UVRAG: variants seen among roughly 807,000 people sequenced by gnomAD.
The protein encoded by UVRAG is UV radiation resistance-associated gene protein.
Under a neutral mutation model 78.0 loss-of-function variants are expected in UVRAG, and 19 were observed. The observed-to-expected ratio is 0.24, with a 90% CI of 0.17 to 0.36. The LOEUF (loss-of-function observed/expected upper bound fraction) is 0.36, where lower values mean the gene tolerates loss of function less well. Among genes scored for constraint, UVRAG ranks in the 10% least tolerant of loss-of-function variants. The pLI, the probability that UVRAG is intolerant of heterozygous loss-of-function variation, is 1.00. For synonymous variants in UVRAG, 323 were observed against 324.6 expected, an observed-to-expected ratio of 1.00 and a Z score of 0.05; for missense variants, 740 against 853.8, an observed-to-expected ratio of 0.87 and a Z score of 1.66.
At chr11:76,063,475 G>A (rs980464555) in intron 12 of UVRAG, among the ~76,000 whole-genome samples, 34 of 152,298 alleles carry the variant, frequency 2.2e-4, no homozygotes, top group African/African-American at 7.7e-4. Flanking sequence ...TGTCACACAC[G>A]TAATCTATTT....
intron 14 of UVRAG, among the ~76,000 whole-genome samples, chr11:76,124,572 T>G (rs1952351526): frequency 6.6e-6 from 1 of 152,236 alleles, no homozygotes. Context: ...GTGACCTTAG[T>G]AAGGATAGAG....
chr11:76,020,240 C>T (rs1950218592), intron 12 of UVRAG, among the ~76,000 whole-genome samples: 1 of 152,092 alleles, frequency 6.6e-6, no homozygotes, highest in African/African-American at 2.4e-5. Flanking sequence ...GAGGGTTCCC[C>T]TCTGGACCAG....
intron 12 of UVRAG, among the ~76,000 whole-genome samples, chr11:76,035,550 A>C (rs1950516986): frequency 1.3e-5 from 2 of 152,190 alleles, no homozygotes; most frequent in African/African-American, 4.8e-5. Flanking sequence ...CAAGAGTCAC[A>C]GTCTCAGAAT....
At chr11:75,967,803 G>A (rs189927618) in intron 7 of UVRAG, among the ~76,000 whole-genome samples, 3 of 152,210 alleles carry the variant, frequency 2.0e-5, no homozygotes, top group Non-Finnish European at 2.9e-5. Flanking sequence ...CGTAAGTCTC[G>A]CAGACTCTGG....
intron 3 of UVRAG, among the ~76,000 whole-genome samples, chr11:75,878,640 C>T (rs970386068): frequency 1.3e-5 from 2 of 152,230 alleles, no homozygotes; most frequent in Non-Finnish European, 2.9e-5. Flanking sequence ...TGGCGGATCA[C>T]TCGCGGTTAG....
At chr11:75,831,506 A>ACAAAC (rs1555070303) in intron 1 of UVRAG, among the ~76,000 whole-genome samples, 3 of 151,706 alleles carry the variant, frequency 2.0e-5, no homozygotes, top group African/African-American at 4.9e-5. Flanking sequence ...AAACAAACAA[A>ACAAAC]AAAAAAAAAC....
Position 75,872,261 on chromosome 11 carries a change from A to G in UVRAG, c.271-7618A>G, listed in dbSNP as rs546936223. 7.9e-5 allele frequency among the ~76,000 whole-genome samples: 12 copies of G among 152,284 alleles called. No individual in the cohort carries two copies. The East Asian group carries it at 1.9e-3, about 24-fold the overall frequency. ...CTTTTCTCAACAAGTCAAGGTTATC[A>G]TGAGGAACATTAATGATTATATTAT... On this transcript the variant is annotated intron_variant, in intron 3 of 14. Coordinates refer to ENST00000356136, the MANE Select transcript of UVRAG (RefSeq NM_003369.4).
At chr11:75,815,679 G>A (rs1355514748) in intron 1 of UVRAG, among the ~76,000 whole-genome samples, 155 bp downstream of exon 1, 1 of 152,174 alleles carries the variant, frequency 6.6e-6, no homozygotes. Flanking sequence ...GTTTGTGCGG[G>A]GAGGGGTCCA....
At chr11:75,837,663 T>C (rs1013502565) in intron 1 of UVRAG, 5 of 152,164 alleles carry the variant, frequency 3.3e-5, no homozygotes, top group African/African-American at 1.2e-4. Flanking sequence ...ATTTTTTTTT[T>C]CTGAATATTT....
At chr11:76,003,446 C>G (rs1227163930) in intron 8 of UVRAG, among the ~76,000 whole-genome samples, 1 of 151,708 alleles carries the variant, frequency 6.6e-6, no homozygotes, top group Non-Finnish European at 1.5e-5. Flanking sequence ...GTCTCGAACT[C>G]CTGACCTCAA....
Position 76,065,797 on chromosome 11 carries a change from C to CT in UVRAG, c.1305+10dup. 1 of 1,612,320 alleles carries CT rather than the reference C, an allele frequency of 6.2e-7. No individual in the cohort carries two copies. Among genetic ancestry groups the CT allele is most frequent in the Non-Finnish European group, 8.5e-7 (1 of 1,178,850 alleles). On this transcript the variant is annotated intron_variant, in intron 13 of 14. Transcript: ENST00000356136. ...ACAAAAATATAGCACAGGTAAGTCT[C>CT]TGTTCTTCACTTCTCTCCTACTTCC...
Position 76,016,924 on chromosome 11 carries a change from G to C in UVRAG, c.1170G>C (p.Gly390=). 1 of 1,609,278 alleles carries C rather than the reference G, an allele frequency of 6.2e-7. No individual in the cohort carries two copies. Among genetic ancestry groups the C allele is most frequent in the Non-Finnish European group, 8.5e-7 (1 of 1,177,202 alleles). Residue 390 remains glycine (G), a synonymous_variant, in exon 12 of 15, where the codon GGG becomes GGC. Transcript: ENST00000356136. ...TCAGATATCCTATAATTCATAAGGG[G>C]TCTAGATCAACAATCAAAGACAATA... ...VPLRYPIIHK[G]SRSTIKDNIN...
intron 7 of UVRAG, among the ~76,000 whole-genome samples, chr11:75,976,604 A>G (rs1480508206): frequency 1.3e-5 from 2 of 152,036 alleles, no homozygotes; most frequent in Non-Finnish European, 2.9e-5. Flanking sequence ...GGGATGGTGT[A>G]TGTGTCCAGG....
At chr11:76,110,224 A>G (rs1952046295) in intron 13 of UVRAG, among the ~76,000 whole-genome samples, 2 of 150,068 alleles carry the variant, frequency 1.3e-5, no homozygotes, top group East Asian at 1.9e-4. Flanking sequence ...ATATATATAT[A>G]TATATATGTA....
chr11:76,106,974 G>C (rs1282056731), intron 13 of UVRAG, among the ~76,000 whole-genome samples: 1 of 152,074 alleles, frequency 6.6e-6, no homozygotes, highest in African/African-American at 2.4e-5. Context: ...CCAAGGTTGT[G>C]ATTTACCTGC....
intron 13 of UVRAG, among the ~76,000 whole-genome samples, chr11:76,084,748 T>C (rs1951554234): frequency 6.6e-6 from 1 of 151,882 alleles, no homozygotes; most frequent in Non-Finnish European, 1.5e-5. Context: ...ATGTGACAAA[T>C]AGTTCACATG....
In UVRAG at chr11:75,849,166, C is replaced by T. The variant is rs374426665; in HGVS notation, c.118-2717C>T. Among the ~76,000 whole-genome samples the T allele has an allele frequency of 2.8e-3, 416 of 149,922 alleles. 5 individuals are homozygous for T. Among genetic ancestry groups the T allele is most frequent in the South Asian group, 0.012 (56 of 4,718 alleles). ...GCACTCCAGCCTGGGCGAGACAGAG[C>T]GAGACTCCCTCTCAAAAGAAAAAAA... On this transcript the variant is annotated intron_variant, in intron 1 of 14. Transcript: ENST00000356136.
Position 75,949,551 on chromosome 11 carries a change from T to C in UVRAG, c.594-11893T>C, listed in dbSNP as rs534684061. ...TTACACAGGCACCTCCAACTGAAAATAGAACTTTCTTCTCAAACTGTTGCT... is the reference window on the plus strand; with the variant it reads ...TTACACAGGCACCTCCAACTGAAAACAGAACTTTCTTCTCAAACTGTTGCT... On this transcript the variant is annotated intron_variant, in intron 6 of 14. Coordinates refer to ENST00000356136, the MANE Select transcript of UVRAG (RefSeq NM_003369.4). 3.3e-5 allele frequency among the ~76,000 whole-genome samples: 5 copies of C among 152,154 alleles called. No individual in the cohort carries two copies. The South Asian group carries it at 1.0e-3, about 32-fold the overall frequency.
rs141394521 is a variant in UVRAG at position 76,033,663 on chromosome 11, C to T, written c.1226+16683C>T. 3.3e-3 allele frequency among the ~76,000 whole-genome samples: 505 copies of T among 152,076 alleles called. 1 individual carries two copies. The highest frequency in any genetic ancestry group is 5.4e-3 in the Non-Finnish European group (366 of 67,968). On this transcript the variant is annotated intron_variant, in intron 12 of 14. Transcript: ENST00000356136. ...ATAAACAAGTAAAGGAGCAATCAACCTAATAAAAATATGGACATAATATAT... is the reference window on the plus strand; with the variant it reads ...ATAAACAAGTAAAGGAGCAATCAACTTAATAAAAATATGGACATAATATAT...
Sources: gnomAD v4.1 joint callset for allele counts (sites outside exome capture counted in the v4.1 genomes callset) on GRCh38, gnomAD v4.1.1 for gene constraint, MANE v1.5 for transcripts, NCBI Gene and HGNC (gene_info 2026-07-23, HGNC 2026-07-21) for gene names.